Variants in COL4A1 observed in about 807,000 individuals in gnomAD.
COL4A1 encodes collagen type IV alpha 1 chain.
Under a neutral mutation model 216.6 loss-of-function variants are expected in COL4A1, and 40 were observed. The ratio of observed to expected loss-of-function variants is 0.18; its 90% CI spans 0.14 to 0.24. COL4A1 has a LOEUF of 0.24. Among genes scored for constraint, COL4A1 ranks in the 10% least tolerant of loss-of-function variants. COL4A1 has a pLI of 1.00. For synonymous variants in COL4A1, 839 were observed against 810.7 expected (o/e 1.03, Z -0.59); for missense variants, 1,628 against 2,196.8 (o/e 0.74, Z 5.18).
intron 1 of COL4A1, among the ~76,000 whole-genome samples, chr13:110,285,191 A>G (rs921041044): frequency 6.6e-6 from 1 of 152,254 alleles, no homozygotes; most frequent in Non-Finnish European, 1.5e-5. Flanking sequence ...AAGTATTTTT[A>G]TTAAAATGTT....
At chr13:110,277,771 C>T (rs1156550898) in intron 1 of COL4A1, among the ~76,000 whole-genome samples, 1 of 152,072 alleles carries the variant, frequency 6.6e-6, no homozygotes, top group East Asian at 1.9e-4. Flanking sequence ...CATATTTTGT[C>T]CTCCCCTCCC....
intron 1 of COL4A1, among the ~76,000 whole-genome samples, chr13:110,294,482 G>C (rs1170973972): frequency 6.6e-6 from 1 of 152,176 alleles, no homozygotes; most frequent in African/African-American, 2.4e-5. Flanking sequence ...CTAAACCCAA[G>C]TGGTATTTCC....
In COL4A1 at chr13:110,169,616, A is replaced by G; in HGVS notation, c.3876+13T>C. On this transcript the variant is annotated intron_variant, in intron 43 of 51. Coordinates refer to ENST00000375820, the MANE Select transcript of COL4A1 (RefSeq NM_001845.6). Reference sequence around the variant, plus strand: ...CTCCTTTAAAAATAAAAATCTACAAATCAATAACTCACAGGCATGCCCTGG... The same window carrying G: ...CTCCTTTAAAAATAAAAATCTACAAGTCAATAACTCACAGGCATGCCCTGG... The G allele has an allele frequency of 6.2e-7, 1 of 1,613,814 alleles. No individual in the cohort carries two copies. The highest frequency in any genetic ancestry group is 2.2e-5 in the East Asian group (1 of 44,838).
chr13:110,213,207 A>T (rs756952315), intron 4 of COL4A1, among the ~76,000 whole-genome samples: 42 of 152,082 alleles, frequency 2.8e-4, no homozygotes, highest in Admixed American at 1.8e-3. Flanking sequence ...AAATCTCAGA[A>T]ATCACCACGA....
intron 21 of COL4A1, among the ~76,000 whole-genome samples, chr13:110,195,410 T>C (rs1028621273): frequency 6.6e-6 from 1 of 152,192 alleles, no homozygotes; most frequent in African/African-American, 2.4e-5. Flanking sequence ...TTTCATTTCA[T>C]CTTGCGAAGT....
intron 1 of COL4A1, chr13:110,298,758 C>T (rs1884376311): frequency 6.6e-6 from 1 of 152,294 alleles, no homozygotes; most frequent in Non-Finnish European, 1.5e-5. Context: ...TGGCTCTGCC[C>T]TGGGTCGGCC....
chr13:110,174,156 C>A (rs1877769820), intron 39 of COL4A1, among the ~76,000 whole-genome samples, 158 bp from the exon 40 acceptor site: 1 of 152,210 alleles, frequency 6.6e-6, no homozygotes, highest in Non-Finnish European at 1.5e-5. Context: ...TCAGAAAGGA[C>A]CCTGCGTGCT....
chr13:110,261,217 G>A (rs76143195), intron 1 of COL4A1, among the ~76,000 whole-genome samples: 13,311 of 152,164 alleles, frequency 0.087, 855 homozygotes, highest in East Asian at 0.27. Flanking sequence ...CCAGGAAGGG[G>A]GAATGGAGCC....
intron 2 of COL4A1, among the ~76,000 whole-genome samples, chr13:110,227,332 A>AT (rs373428234): frequency 2.0e-5 from 3 of 149,990 alleles, no homozygotes; most frequent in South Asian, 2.1e-4. Flanking sequence ...ACGTATATGG[A>AT]TTTTTTTTTA....
chr13:110,242,573 A>G (rs1317321944), intron 2 of COL4A1, 102 bp downstream of exon 2: 4 of 1,322,500 alleles, frequency 3.0e-6, no homozygotes, highest in Admixed American at 3.4e-5. Context: ...CAAAACAGTA[A>G]TAAGGCTTTC....
chr13:110,252,315 C>A (rs1882108440), intron 1 of COL4A1, among the ~76,000 whole-genome samples: 1 of 151,766 alleles, frequency 6.6e-6, no homozygotes, highest in African/African-American at 2.4e-5. Flanking sequence ...TGAGCCACCA[C>A]TCCCAGCCAA....
At chr13:110,174,796 A>T in intron 37 of COL4A1, 47 bp from the exon 38 acceptor site, 1 of 1,568,328 alleles carries the variant, frequency 6.4e-7, no homozygotes, top group Non-Finnish European at 8.8e-7. Context: ...GTCCATGGGC[A>T]TGCATCTGTA....
At chr13:110,238,638 G>T (rs988542739) in intron 2 of COL4A1, among the ~76,000 whole-genome samples, 1 of 152,142 alleles carries the variant, frequency 6.6e-6, no homozygotes, top group African/African-American at 2.4e-5. Flanking sequence ...CTCTCGCCTT[G>T]TTATTTATGT....
rs113020806 is a variant in COL4A1, at chr13:110,230,389, G to A, written c.144+12286C>T. ...AGGACAAAGCACACAGGTGGCAGGCGCGGGTCATCAGGGCTCGTCGTGACA... is the reference window on the plus strand; with the variant it reads ...AGGACAAAGCACACAGGTGGCAGGCACGGGTCATCAGGGCTCGTCGTGACA... On this transcript the variant is annotated intron_variant, in intron 2 of 51. Coordinates refer to ENST00000375820, the MANE Select transcript of COL4A1 (RefSeq NM_001845.6). 4.2e-3 allele frequency among the ~76,000 whole-genome samples: 643 copies of A among 152,254 alleles called. 1 individual carries two copies. Among genetic ancestry groups the A allele is most frequent in the Non-Finnish European group, 6.5e-3 (440 of 68,020 alleles).
intron 42 of COL4A1, among the ~76,000 whole-genome samples, chr13:110,170,133 G>GGAAAGAAGGAAGGAAA (rs1555302353): frequency 1.6e-5 from 1 of 64,440 alleles, no homozygotes; most frequent in African/African-American, 3.9e-5. Flanking sequence ...AAGGAAGGAA[G>GGAAAGAAGGAAGGAAA]GAAGGAAGGA....
intron 2 of COL4A1, among the ~76,000 whole-genome samples, chr13:110,230,997 T>A (rs1881031901): frequency 6.6e-6 from 1 of 152,148 alleles, no homozygotes; most frequent in Admixed American, 6.5e-5. Context: ...GCCACCCACA[T>A]CAGCCCCGTC....
At chr13:110,264,441 T>C (rs1261766208) in intron 1 of COL4A1, among the ~76,000 whole-genome samples, 1 of 151,292 alleles carries the variant, frequency 6.6e-6, no homozygotes, top group African/African-American at 2.4e-5. Context: ...AAATCCAAAT[T>C]CCCAATAATT....
At chr13:110,296,336 G>A (rs73617472) in intron 1 of COL4A1, among the ~76,000 whole-genome samples, 7,551 of 152,222 alleles carry the variant, frequency 0.05, 611 homozygotes, top group African/African-American at 0.17. Context: ...AGATGTATTC[G>A]ATTGTTTGAA....
intron 17 of COL4A1, 54 bp from the exon 18 acceptor site, chr13:110,203,661 G>T: frequency 6.3e-7 from 1 of 1,582,248 alleles, no homozygotes; most frequent in Non-Finnish European, 8.7e-7. Flanking sequence ...AGATTGTCTT[G>T]CAGAAAGCAG....
Sources: allele counts gnomAD v4.1 joint callset (sites outside exome capture counted in the v4.1 genomes callset), GRCh38; gene constraint gnomAD v4.1.1; transcripts MANE v1.5; gene names NCBI Gene and HGNC (gene_info 2026-07-23, HGNC 2026-07-21).